Variants in KCNT1 observed in about 807,000 individuals in gnomAD.
The protein encoded by KCNT1 is potassium channel subfamily T member 1.
In KCNT1, 78 loss-of-function variants were observed where a neutral mutation model predicts 147.8. The observed-to-expected ratio is 0.53, with a 90% CI of 0.44 to 0.64. The LOEUF is 0.64. Ranked by LOEUF, KCNT1 falls within the 30% of genes least tolerant of loss-of-function variation. KCNT1 has a pLI of 0.00. For synonymous variants in KCNT1, 867 were observed against 748.8 expected, an observed-to-expected ratio of 1.16 and a Z score of -2.58; for missense variants, 1,419 against 1,750.3, an observed-to-expected ratio of 0.81 and a Z score of 3.38.
rs565707468 is a variant in KCNT1, at chr9:135,765,420, C to T, written c.1201-204C>T. 2.2e-4 allele frequency among the ~76,000 whole-genome samples: 33 copies of T among 152,026 alleles called. No individual in the cohort carries two copies. In the East Asian group the frequency reaches 6.4e-3, roughly 29 times the overall value. On this transcript the variant is annotated intron_variant, in intron 12 of 30. Coordinates refer to ENST00000371757, the MANE Select transcript of KCNT1 (RefSeq NM_020822.3). The stretch of plus-strand genomic sequence containing the variant: ...GCAAGTCCCTGAGTCCTCTCAGCCT[C>T]AGTTTACCCCTTCAGTGAGGGTGGC...
In KCNT1 at chr9:135,742,910, TC is replaced by T. The variant is rs1423816862; in HGVS notation, c.255-7184del. ...TCTGGGGGGTCCCCTCAACCCAGCA[TC>T]CCCTGCAGCTGGGCCAGGGCCACCG... On this transcript the variant is annotated intron_variant, in intron 2 of 30. Coordinates refer to ENST00000371757, the MANE Select transcript of KCNT1 (RefSeq NM_020822.3). The T allele has an allele frequency of 4.3e-6, 3 of 694,174 alleles. No homozygotes were observed. The African/African-American group carries it at 5.3e-5, about 12-fold the overall frequency. 43.0% of individuals were successfully genotyped at this position (694,174 alleles called of 1,614,324 possible). A position where few individuals can be genotyped will look rare whatever the true frequency, so the allele number is the denominator to read the frequency against.
chr9:135,791,639 G>A lies in KCNT1; in HGVS notation c.3503-158G>A, dbSNP rs1259172825. The A allele has an allele frequency of 4.5e-6, 3 of 662,342 alleles. No individual in the cohort carries two copies. In the East Asian group the frequency reaches 8.0e-5, roughly 18 times the overall value. The allele number at this position is 662,342 out of a possible 1,614,324, so 41.0% of individuals were successfully genotyped here. A position where few individuals can be genotyped will look rare whatever the true frequency, so the allele number is the denominator to read the frequency against. The stretch of plus-strand genomic sequence containing the variant: ...TGGGACAGGTGTCGGTCAGGGATGG[G>A]CCCTGGCTGGGCTCACCAGGATGAG... On this transcript the variant is annotated intron_variant, in intron 29 of 30. Transcript: ENST00000371757.
At chr9:135,767,409 A>C (rs996613380) in intron 13 of KCNT1, among the ~76,000 whole-genome samples, 8 of 146,652 alleles carry the variant, frequency 5.5e-5, no homozygotes, top group Non-Finnish European at 9.0e-5. Context: ...GGCAGAGGCG[A>C]CAGTTTCTTA....
intron 2 of KCNT1, among the ~76,000 whole-genome samples, chr9:135,741,754 C>T (rs1311378219): frequency 6.6e-6 from 1 of 152,256 alleles, no homozygotes; most frequent in Non-Finnish European, 1.5e-5. Context: ...TTCCTCCTTC[C>T]TGCCTGTGTG....
chr9:135,756,934 T>C lies in KCNT1; in HGVS notation c.600+2T>C. On this transcript the variant is annotated splice_donor_variant, in intron 7 of 30. Transcript: ENST00000371757. LOFTEE classifies it high-confidence loss of function. ...CTTCTCATCTACCTCAGCTACAAAGTGAGTGCCTGCCCGGGATGGCACCTC... is the reference window on the plus strand; with the variant it reads ...CTTCTCATCTACCTCAGCTACAAAGCGAGTGCCTGCCCGGGATGGCACCTC... 6.2e-7 allele frequency: 1 copy of C among 1,612,354 alleles called. No individual in the cohort carries two copies. Among genetic ancestry groups the C allele is most frequent in the Non-Finnish European group, 8.5e-7 (1 of 1,179,728 alleles).
At chr9:135,773,451 GTGGGTGTCCTCTGAGCAGGGTCCCTGT>G (rs1208965862) in intron 19 of KCNT1, among the ~76,000 whole-genome samples, 1 of 152,262 alleles carries the variant, frequency 6.6e-6, no homozygotes, top group Non-Finnish European at 1.5e-5. Flanking sequence ...CTGACCAGGG[GTGGGTGTCCTCTGAGCAGGGTCCCTGT>G]GCAACCCCTG....
At chr9:135,765,275 C>T in intron 12 of KCNT1, 80 bp downstream of exon 12, 1 of 1,382,590 alleles carries the variant, frequency 7.2e-7, no homozygotes, top group Non-Finnish European at 1.0e-6. Flanking sequence ...GACTGCTTGG[C>T]AAGTCCCTGA....
At chr9:135,785,353 C>G in intron 28 of KCNT1, 23 bp downstream of exon 28, 1 of 1,612,854 alleles carries the variant, frequency 6.2e-7, no homozygotes, top group Non-Finnish European at 8.5e-7. Flanking sequence ...TCCGTGCCCA[C>G]GCAGCTTCTG....
chr9:135,769,887 T>C (rs1832626070), intron 15 of KCNT1, 60 bp from the exon 16 acceptor site: 19 of 1,252,496 alleles, frequency 1.5e-5, no homozygotes, highest in South Asian at 2.6e-5. Context: ...GAGCAGGTAC[T>C]GTGGGGGAGG....
At chr9:135,750,365 G>A (rs1001092790) in intron 3 of KCNT1, among the ~76,000 whole-genome samples, 188 bp downstream of exon 3, 1 of 152,128 alleles carries the variant, frequency 6.6e-6, no homozygotes, top group African/African-American at 2.4e-5. Flanking sequence ...GGGGCACAGG[G>A]TAGCCCCCTC....
chr9:135,760,295 CA>C (rs1256523788), intron 11 of KCNT1, among the ~76,000 whole-genome samples: 2 of 152,214 alleles, frequency 1.3e-5, no homozygotes, highest in Non-Finnish European at 2.9e-5. Context: ...GCCCACTGCC[CA>C]CTGAGCAGAG....
At chr9:135,790,607 A>G (rs1316350467) in intron 29 of KCNT1, 1 of 152,334 alleles carries the variant, frequency 6.6e-6, no homozygotes, top group Non-Finnish European at 1.5e-5. Context: ...CAAAGCCCCC[A>G]CTGCAGAGGG....
chr9:135,791,761 G>T (rs144016467), intron 29 of KCNT1, 36 bp from the exon 30 acceptor site: 25 of 1,563,596 alleles, frequency 1.6e-5, no homozygotes, highest in Admixed American at 3.4e-5. Context: ...GGGCAGGGCT[G>T]GGGGGGTGAC....
chr9:135,780,470 A>G lies in KCNT1; in HGVS notation c.2841+1000A>G, dbSNP rs374795516. On this transcript the variant is annotated intron_variant, in intron 24 of 30. Transcript: ENST00000371757. The stretch of plus-strand genomic sequence containing the variant: ...TCCCACCTGAACCCGATGGAGAGTG[A>G]AAGTGTGTTCCGGCCAGCCGTGGAC... 3.3e-5 allele frequency among the ~76,000 whole-genome samples: 5 copies of G among 152,318 alleles called. No homozygotes were observed. In the East Asian group the frequency reaches 9.6e-4, roughly 29 times the overall value.
At chr9:135,774,099 TCAA>T (rs1316436318) in intron 19 of KCNT1, among the ~76,000 whole-genome samples, 1 of 144,250 alleles carries the variant, frequency 6.9e-6, no homozygotes. Context: ...GTGTTGTGTG[TCAA>T]CGTGTGTTTG....
intron 2 of KCNT1, among the ~76,000 whole-genome samples, chr9:135,741,314 G>A (rs1295908525): frequency 6.6e-6 from 1 of 152,200 alleles, no homozygotes; most frequent in Admixed American, 6.5e-5. Context: ...GGCCCCAGCA[G>A]GGAGGAGCCC....
chr9:135,787,633 G>T (rs912976870), intron 29 of KCNT1, among the ~76,000 whole-genome samples: 3 of 152,196 alleles, frequency 2.0e-5, no homozygotes, highest in Non-Finnish European at 4.4e-5. Context: ...GCCCGAAGGA[G>T]ACTCAGAGGC....
chr9:135,732,028 AGAGAGAGAGAGAGG>A (rs1836500168), intron 2 of KCNT1, among the ~76,000 whole-genome samples: 3 of 136,728 alleles, frequency 2.2e-5, no homozygotes, highest in Non-Finnish European at 3.2e-5. Context: ...AGAGAGAGAG[AGAGAGAGAGAGAGG>A]GAGTCTCACT....
At position 135,764,149 on chromosome 9, in the gene KCNT1, A is replaced by G. The variant is rs1028495077; in HGVS notation, c.1036-882A>G. Among the ~76,000 whole-genome samples, 19 of 152,258 alleles carry G rather than the reference A, an allele frequency of 1.2e-4. 1 individual carries two copies. The highest frequency in any genetic ancestry group is 4.3e-4 in the African/African-American group (18 of 41,550). On this transcript the variant is annotated intron_variant, in intron 11 of 30. Transcript: ENST00000371757. ...CCCACAGTCCATGGGAGCTCCTGCCATTGTTCATTTAACACGTGTTCAACA... is the reference window on the plus strand; with the variant it reads ...CCCACAGTCCATGGGAGCTCCTGCCGTTGTTCATTTAACACGTGTTCAACA...
Sources: allele counts gnomAD v4.1 joint callset (sites outside exome capture counted in the v4.1 genomes callset), GRCh38; gene constraint gnomAD v4.1.1; transcripts MANE v1.5; gene names NCBI Gene and HGNC (gene_info 2026-07-23, HGNC 2026-07-21).